Variants in STX12 observed in about 807,000 individuals in gnomAD.
The protein encoded by STX12 is syntaxin 12.
A neutral mutation model predicts 42.2 loss-of-function variants in STX12; 17 were observed. The ratio of observed to expected loss-of-function variants is 0.40; its 90% CI spans 0.28 to 0.60. The LOEUF is 0.60. STX12 is among the 20% of genes least tolerant of loss of function. The pLI, the probability that STX12 is intolerant of heterozygous loss-of-function variation, is 0.39. For missense variants in STX12, 297 were observed against 330.9 expected (o/e 0.90, Z 0.79); for synonymous variants, 108 against 116.7 (o/e 0.93, Z 0.48).
intron 1 of STX12, among the ~76,000 whole-genome samples, chr1:27,779,500 T>G (rs955285832): frequency 1.5e-4 from 22 of 151,004 alleles, no homozygotes; most frequent in African/African-American, 5.4e-4. Flanking sequence ...GCCCAGCTAA[T>G]TTTTGTATTT....
chr1:27,820,977 G>A (rs1361171226), intron 8 of STX12, among the ~76,000 whole-genome samples: 2 of 144,858 alleles, frequency 1.4e-5, no homozygotes, highest in African/African-American at 5.1e-5. Flanking sequence ...TGAACAATGA[G>A]AACACATGGA....
intron 6 of STX12, 46 bp downstream of exon 6, chr1:27,812,314 G>A: frequency 7.3e-7 from 1 of 1,364,190 alleles, no homozygotes; most frequent in Non-Finnish European, 1.0e-6. Context: ...GTGTCTGCAG[G>A]TATCTGAACT....
chr1:27,779,049 G>A (rs904903699), intron 1 of STX12, among the ~76,000 whole-genome samples: 2 of 152,104 alleles, frequency 1.3e-5, no homozygotes, highest in Non-Finnish European at 2.9e-5. Flanking sequence ...ATTTAAAATT[G>A]ATTATTATGA....
rs1557803779 is a variant in STX12, at chr1:27,801,829, CA to C, written c.426+18del. ...TCTCGTCTTTCTGTAAGTTGATTCC[CA>C]AAAGAAGACCTTTGCAATATCAGAA... On this transcript the variant is annotated intron_variant, in intron 4 of 8. Coordinates refer to ENST00000373943, the MANE Select transcript of STX12 (RefSeq NM_177424.3). 5.1e-6 allele frequency: 8 copies of C among 1,569,754 alleles called. No homozygotes were observed. The highest frequency in any genetic ancestry group is 6.9e-6 in the Non-Finnish European group (8 of 1,166,396).
intron 3 of STX12, among the ~76,000 whole-genome samples, chr1:27,798,417 G>A (rs1240135881): frequency 6.6e-6 from 1 of 151,900 alleles, no homozygotes; most frequent in East Asian, 1.9e-4. Flanking sequence ...GGCCGAGGTG[G>A]GCGGATCACC....
chr1:27,792,227 T>G lies in STX12; in HGVS notation c.189-1306T>G, dbSNP rs12741296. Reference sequence around the variant, plus strand: ...ATATATATGTATCTATATATATGTATATACATATATATGTATCTATATATA... The same window carrying G: ...ATATATATGTATCTATATATATGTAGATACATATATATGTATCTATATATA... On this transcript the variant is annotated intron_variant, in intron 2 of 8. Transcript: ENST00000373943. 9.1e-3 allele frequency among the ~76,000 whole-genome samples: 999 copies of G among 110,282 alleles called. 6 individuals are homozygous for G. The highest frequency in any genetic ancestry group is 0.013 in the Non-Finnish European group (653 of 48,832). 72.3% of individuals were successfully genotyped at this position (110,282 alleles called of 152,430 possible).
intron 1 of STX12, among the ~76,000 whole-genome samples, chr1:27,783,707 A>G (rs2088682714): frequency 6.6e-6 from 1 of 152,186 alleles, no homozygotes; most frequent in South Asian, 2.1e-4. Context: ...TGGCCTAGTC[A>G]TCTGGTTTCT....
chr1:27,824,230 G>T lies in STX12; in HGVS notation c.*1901G>T, dbSNP rs2089005682. ...TGGATACATCATTTGTAACATTGTA[G>T]GAAAGAAAAAAGTCTTGGTTGTGAA... On this transcript the variant is annotated 3_prime_UTR_variant, in exon 9 of 9. Coordinates refer to ENST00000373943, the MANE Select transcript of STX12 (RefSeq NM_177424.3). The T allele has an allele frequency of 6.6e-6, 1 of 152,080 alleles. No homozygotes were observed. The highest frequency in any genetic ancestry group is 1.5e-5 in the Non-Finnish European group (1 of 68,010). 9.4% of individuals were successfully genotyped at this position (152,080 alleles called of 1,614,324 possible).
rs532781325 is a variant in STX12, at chr1:27,801,783, A to G, written c.394A>G (p.Ile132Val). 14 of 1,590,894 alleles carry G rather than the reference A, an allele frequency of 8.8e-6. No homozygotes were observed. The African/African-American group carries it at 1.8e-4, about 20-fold the overall frequency. The change falls in exon 4 of 9, where the codon ATT becomes GTT. Residue 132 changes from isoleucine (I) to valine (V), a missense_variant. Ile to Val is a conservative substitution (Grantham distance 29). Coordinates refer to ENST00000373943, the MANE Select transcript of STX12 (RefSeq NM_177424.3). ...GGTATCTGAAAAGGAAAAGGAGAGT[A>G]TTGCCAGAGCAAGAGCTGGATCTCG... ...RRVSEKEKES[I>V]ARARAGSRLS...
At chr1:27,795,292 C>A (rs1331162650) in intron 3 of STX12, among the ~76,000 whole-genome samples, 1 of 151,490 alleles carries the variant, frequency 6.6e-6, no homozygotes, top group Non-Finnish European at 1.5e-5. Context: ...ATGGATGGAT[C>A]ATGATGTCAA....
intron 4 of STX12, among the ~76,000 whole-genome samples, chr1:27,806,703 A>G (rs949576976): frequency 1.3e-5 from 2 of 152,224 alleles, no homozygotes; most frequent in African/African-American, 4.8e-5. Flanking sequence ...TCACACTGCT[A>G]TAAAGATACT....
At chr1:27,815,243 G>A (rs902773454) in intron 6 of STX12, among the ~76,000 whole-genome samples, 9 of 152,176 alleles carry the variant, frequency 5.9e-5, no homozygotes, top group African/African-American at 2.2e-4. Flanking sequence ...TTATAGCAAA[G>A]TGGAGTGAGA....
At chr1:27,813,056 C>T (rs951409913) in intron 6 of STX12, among the ~76,000 whole-genome samples, 1 of 152,158 alleles carries the variant, frequency 6.6e-6, no homozygotes, top group East Asian at 1.9e-4. Context: ...CATCTTATCC[C>T]TTCAGTGAGT....
chr1:27,803,852 T>C (rs1393686047), intron 4 of STX12, among the ~76,000 whole-genome samples: 1 of 150,488 alleles, frequency 6.6e-6, no homozygotes, highest in Non-Finnish European at 1.5e-5. Context: ...AAATACAAAA[T>C]TAGCTGGGCG....
chr1:27,789,513 A>T, intron 1 of STX12, 49 bp from the exon 2 acceptor site: 1 of 1,431,798 alleles, frequency 7.0e-7, no homozygotes, highest in Non-Finnish European at 9.7e-7. Context: ...GGTACTCATG[A>T]TGAATGTATT....
At position 27,812,158 on chromosome 1, in the gene STX12, T is replaced by A; in HGVS notation, c.471-5T>A. The A allele has an allele frequency of 6.4e-7, 1 of 1,553,158 alleles. No individual in the cohort carries two copies. Among genetic ancestry groups the A allele is most frequent in the Non-Finnish European group, 8.7e-7 (1 of 1,147,504 alleles). On this transcript the variant is annotated splice_region_variant and splice_polypyrimidine_tract_variant and intron_variant, in intron 5 of 8. Transcript: ENST00000373943. ...AAATCACCTAGTGTGCCTGTTTCCC[T>A]GCAGCCATGAGGAGTGGAACCAGAT...
chr1:27,786,170 A>G (rs544730355), intron 1 of STX12, among the ~76,000 whole-genome samples: 26 of 152,242 alleles, frequency 1.7e-4, no homozygotes, highest in Admixed American at 9.8e-4. Context: ...GCAAGGCCCT[A>G]TACAATCTGG....
intron 8 of STX12, among the ~76,000 whole-genome samples, chr1:27,821,366 G>A (rs1408056947): frequency 6.6e-6 from 1 of 152,020 alleles, no homozygotes; most frequent in Non-Finnish European, 1.5e-5. Flanking sequence ...TTGCATATGG[G>A]AATTAAGAGA....
chr1:27,789,507 C>G (rs2088723885), intron 1 of STX12, 55 bp from the exon 2 acceptor site: 1 of 1,349,672 alleles, frequency 7.4e-7, no homozygotes, highest in African/African-American at 1.5e-5. Flanking sequence ...AAGTAGGGTA[C>G]TCATGATGAA....
Sources: gnomAD v4.1 joint callset for allele counts (sites outside exome capture counted in the v4.1 genomes callset) on GRCh38, gnomAD v4.1.1 for gene constraint, MANE v1.5 for transcripts, NCBI Gene and HGNC (gene_info 2026-07-23, HGNC 2026-07-21) for gene names.